MME: variants seen among roughly 807,000 people sequenced by gnomAD.
MME encodes the protein membrane metalloendopeptidase.
A neutral mutation model predicts 113.2 loss-of-function variants in MME; 98 were observed. The ratio of observed to expected loss-of-function variants is 0.87; its 90% CI spans 0.74 to 1.02. MME has a LOEUF of 1.02. Among genes scored for constraint, MME ranks in the 50% least tolerant of loss-of-function variants. MME has a pLI of 0.00. For missense variants in MME, 836 were observed against 896.0 expected (o/e 0.93, Z 0.86); for synonymous variants, 292 against 300.6 (o/e 0.97, Z 0.30).
chr3:155,174,078 A>G (rs1712261230), intron 22 of MME, among the ~76,000 whole-genome samples: 1 of 152,004 alleles, frequency 6.6e-6, no homozygotes, highest in South Asian at 2.1e-4. Flanking sequence ...GCATTTTGTA[A>G]TAGTTCCCTA....
intron 3 of MME, among the ~76,000 whole-genome samples, chr3:155,086,730 C>T (rs1207038474): frequency 2.6e-5 from 4 of 152,146 alleles, no homozygotes; most frequent in Non-Finnish European, 5.9e-5. Context: ...TCCTTTCTAA[C>T]ATCTATGTGT....
At chr3:155,133,308 A>C (rs1216555616) in intron 8 of MME, among the ~76,000 whole-genome samples, 1 of 151,576 alleles carries the variant, frequency 6.6e-6, no homozygotes, top group African/African-American at 2.4e-5. Context: ...AGTAGTTACC[A>C]GGTAATGGAA....
At chr3:155,063,736 C>T (rs1173692898) in intron 1 of MME, among the ~76,000 whole-genome samples, 2 of 128,596 alleles carry the variant, frequency 1.6e-5, no homozygotes, top group Non-Finnish European at 3.2e-5. Context: ...TGCTTTCTTC[C>T]CCCAAATGAG....
At chr3:155,064,187 G>A (rs1352480129) in intron 1 of MME, among the ~76,000 whole-genome samples, 1 of 151,980 alleles carries the variant, frequency 6.6e-6, no homozygotes, top group East Asian at 1.9e-4. Context: ...TAGTCGGGAG[G>A]CTGAGACAGG....
chr3:155,172,193 T>G lies in MME; in HGVS notation c.2057T>G (p.Phe686Cys). 1.9e-6 allele frequency: 3 copies of G among 1,609,802 alleles called. No individual in the cohort carries two copies. Among genetic ancestry groups the G allele is most frequent in the South Asian group, 1.1e-5 (1 of 90,988 alleles). ...CTTGACCTAAATCACAAACAACTAT[T>G]TTTCTTGAACTTTGCACAGGTATTG... Reference protein sequence around the residue: ...PGLDLNHKQLFFLNFAQVWCG... With the variant: ...PGLDLNHKQLCFLNFAQVWCG... Residue 686 changes from phenylalanine (F) to cysteine (C), a missense_variant, in exon 21 of 23, where the codon TTT becomes TGT. By Grantham distance (205) the Phe-to-Cys change is radical (BLOSUM62 -2). Coordinates refer to ENST00000360490, the MANE Select transcript of MME (RefSeq NM_007289.4).
At position 155,180,350 on chromosome 3, in the gene MME, T is replaced by A; in HGVS notation, c.2154-10T>A. 1 of 1,610,602 alleles carries A rather than the reference T, an allele frequency of 6.2e-7. No homozygotes were observed. Among genetic ancestry groups the A allele is most frequent in the Non-Finnish European group, 8.5e-7 (1 of 1,176,886 alleles). On this transcript the variant is annotated splice_polypyrimidine_tract_variant and intron_variant, in intron 22 of 22. Transcript: ENST00000360490. ...AATGCTGACGGTGACTTTTTTTGTT[T>A]GTTTCAAAGGATTATTGGGACTTTG...
intron 1 of MME, among the ~76,000 whole-genome samples, chr3:155,042,028 G>A (rs1713340067): frequency 6.6e-6 from 1 of 152,086 alleles, no homozygotes; most frequent in African/African-American, 2.4e-5. Context: ...ACTCTATTTA[G>A]CCTTTAAAGA....
intron 16 of MME, among the ~76,000 whole-genome samples, chr3:155,159,257 T>C (rs1032906514): frequency 3.3e-4 from 50 of 152,198 alleles, no homozygotes; most frequent in African/African-American, 1.2e-3. Context: ...GAAACAGTTC[T>C]GATGTAACCT....
At chr3:155,159,405 C>T (rs1168070436) in intron 16 of MME, among the ~76,000 whole-genome samples, 2 of 152,002 alleles carry the variant, frequency 1.3e-5, no homozygotes, top group Non-Finnish European at 2.9e-5. Context: ...TGTATGCTGA[C>T]ATTTAAGAGG....
Position 155,180,528 on chromosome 3 carries a change from C to A in MME, c.*69C>A, listed in dbSNP as rs901542244. On this transcript the variant is annotated 3_prime_UTR_variant, in exon 23 of 23. Transcript: ENST00000360490. ...CCACAGAAATGGGGAATTCTCTAAT[C>A]GAAAGAAAATGGGCCCTAGGGGTCA... 10 of 1,276,104 alleles carry A rather than the reference C, an allele frequency of 7.8e-6. No individual in the cohort carries two copies. The highest frequency in any genetic ancestry group is 1.1e-5 in the Non-Finnish European group (10 of 873,478). The allele number at this position is 1,276,104 out of a possible 1,614,324, so 79.0% of individuals were successfully genotyped here.
In MME at chr3:155,168,517, C is replaced by A; in HGVS notation, c.1806C>A (p.Asp602Glu). 6.2e-7 allele frequency: 1 copy of A among 1,613,104 alleles called. No homozygotes were observed. The highest frequency in any genetic ancestry group is 8.5e-7 in the Non-Finnish European group (1 of 1,179,314). ...GCAGAAACTTTAACAAAGATGGAGA[C>A]CTCGTTGACTGGTGGACTCAACAGT... ...DNGRNFNKDG[D>E]LVDWWTQQSA... The change falls in exon 19 of 23, where the codon GAC (aspartate) becomes GAA (glutamate). Residue 602 changes from aspartate (D) to glutamate (E), a missense_variant. Asp to Glu is a conservative substitution (Grantham distance 45). Transcript: ENST00000360490.
chr3:155,073,538 A>G (rs1415218572), intron 1 of MME, among the ~76,000 whole-genome samples: 2 of 152,180 alleles, frequency 1.3e-5, no homozygotes, highest in Non-Finnish European at 2.9e-5. Flanking sequence ...ACACAATGAC[A>G]TTAATTTTAG....
intron 1 of MME, among the ~76,000 whole-genome samples, chr3:155,063,525 T>TA (rs1273896560): frequency 0.054 from 6,224 of 114,946 alleles, 641 homozygotes; most frequent in African/African-American, 0.21. Flanking sequence ...ATATATATAT[T>TA]AAAAATATAT....
Position 155,142,269 on chromosome 3 carries a change from T to C in MME, c.1127T>C (p.Ile376Thr). 6.2e-7 allele frequency: 1 copy of C among 1,613,708 alleles called. No homozygotes were observed. Residue 376 changes from isoleucine (I) to threonine (T), a missense_variant, in exon 12 of 23, where the codon ATA (isoleucine) becomes ACA (threonine). Transcript: ENST00000360490. ...CAAAATTTAATGTCCTGGAGATTCATAATGGATCTTGTAAGCAGCCTCAGC... is the reference window on the plus strand; with the variant it reads ...CAAAATTTAATGTCCTGGAGATTCACAATGGATCTTGTAAGCAGCCTCAGC... ...DLQNLMSWRF[I>T]MDLVSSLSRT...
At chr3:155,032,814 G>A (rs181172617) in intron 1 of MME, among the ~76,000 whole-genome samples, 65 of 152,242 alleles carry the variant, frequency 4.3e-4, no homozygotes, top group African/African-American at 1.5e-3. Context: ...AAGAAAAAGA[G>A]ATTACAAAAA....
At chr3:155,099,631 A>T (rs545863092) in intron 3 of MME, among the ~76,000 whole-genome samples, 2 of 152,240 alleles carry the variant, frequency 1.3e-5, no homozygotes, top group Non-Finnish European at 2.9e-5. Context: ...ACAGCTTCAT[A>T]AAAAAGAAAC....
chr3:155,127,809 CCTT>C (rs1223849232), intron 8 of MME, among the ~76,000 whole-genome samples: 4 of 152,162 alleles, frequency 2.6e-5, no homozygotes, highest in Non-Finnish European at 5.9e-5. Context: ...AAACTTTGGT[CCTT>C]CTCTCTTCTT....
At chr3:155,038,720 C>T (rs1576663783) in intron 1 of MME, among the ~76,000 whole-genome samples, 1 of 152,078 alleles carries the variant, frequency 6.6e-6, no homozygotes, top group South Asian at 2.1e-4. Context: ...TTTACAATTT[C>T]GTGTATAGAA....
intron 20 of MME, among the ~76,000 whole-genome samples, chr3:155,169,564 G>A (rs756461015): frequency 1.6e-4 from 24 of 152,160 alleles, no homozygotes; most frequent in Non-Finnish European, 3.1e-4. Flanking sequence ...TTTCATAAAA[G>A]GGTGGAGGAA....
Sources: gnomAD v4.1 joint callset for allele counts (sites outside exome capture counted in the v4.1 genomes callset) on GRCh38, gnomAD v4.1.1 for gene constraint, MANE v1.5 for transcripts, NCBI Gene and HGNC (gene_info 2026-07-23, HGNC 2026-07-21) for gene names.